The following NAV3 variants were observed in gnomAD, a reference collection of about 807,000 sequenced individuals.
NAV3 encodes neuron navigator 3, also known as pore membrane and/or filament interacting like protein 1.
NAV3 carries 87 observed loss-of-function variants against 244.7 expected under a neutral mutation model. The ratio of observed to expected loss-of-function variants is 0.36; its 90% CI spans 0.30 to 0.42. The LOEUF (loss-of-function observed/expected upper bound fraction) is 0.42, where lower values mean the gene tolerates loss of function less well. NAV3 is among the 20% of genes least tolerant of loss of function. The probability of loss-of-function intolerance (pLI) is 1.00; values close to 1 mark genes in which losing one functional copy is unlikely to be tolerated. For synonymous variants in NAV3, 1,126 were observed against 1,042.2 expected (o/e 1.08, Z -1.55); for missense variants, 2,663 against 2,893.3 (o/e 0.92, Z 1.83).
chr12:77,737,925 CATTTT>C (rs1877403710), intron 2 of NAV3, among the ~76,000 whole-genome samples: 1 of 152,096 alleles, frequency 6.6e-6, no homozygotes, highest in Non-Finnish European at 1.5e-5. Flanking sequence ...ACAAATTTAC[CATTTT>C]TCAATCATGC....
At chr12:78,024,433 C>A (rs1294596972) in intron 9 of NAV3, among the ~76,000 whole-genome samples, 1 of 152,148 alleles carries the variant, frequency 6.6e-6, no homozygotes, top group African/African-American at 2.4e-5. Flanking sequence ...AAATGTCCGA[C>A]ATCACCAGTC....
chr12:77,576,880 T>C (rs1364452352), intron 2 of NAV3, among the ~76,000 whole-genome samples: 1 of 152,052 alleles, frequency 6.6e-6, no homozygotes. Flanking sequence ...CCTTTTTTAA[T>C]GTATATTACA....
intron 2 of NAV3, among the ~76,000 whole-genome samples, chr12:77,705,158 C>T (rs565591522): frequency 1.3e-5 from 2 of 152,306 alleles, no homozygotes; most frequent in African/African-American, 4.8e-5. Context: ...GTGGCTCATG[C>T]CTGTAATCCC....
intron 2 of NAV3, among the ~76,000 whole-genome samples, chr12:77,644,959 G>A (rs555389359): frequency 5.3e-5 from 8 of 152,018 alleles, no homozygotes; most frequent in Admixed American, 3.3e-4. Context: ...GATTAAGTTC[G>A]TTATGGCTTT....
intron 10 of NAV3, 118 bp downstream of exon 10, chr12:78,050,219 C>A: frequency 1.4e-6 from 1 of 732,282 alleles, no homozygotes; most frequent in South Asian, 1.7e-5. Context: ...TATTTTCTCC[C>A]TTGTTTTATA....
At chr12:78,020,433 T>A (rs1876956319) in intron 8 of NAV3, among the ~76,000 whole-genome samples, 1 of 152,332 alleles carries the variant, frequency 6.6e-6, no homozygotes, top group African/African-American at 2.4e-5. Flanking sequence ...TTTATGCTCT[T>A]TATATTCAGT....
intron 1 of NAV3, among the ~76,000 whole-genome samples, chr12:77,925,798 A>G (rs1337384622): frequency 6.6e-6 from 1 of 152,160 alleles, no homozygotes; most frequent in Non-Finnish European, 1.5e-5. Flanking sequence ...GTGGAATACA[A>G]AATGAAACCA....
intron 39 of NAV3, among the ~76,000 whole-genome samples, chr12:78,206,026 A>T (rs1399133065): frequency 2.0e-5 from 3 of 152,164 alleles, no homozygotes; most frequent in African/African-American, 7.2e-5. Context: ...CACACACATC[A>T]TCATCATCAT....
intron 2 of NAV3, among the ~76,000 whole-genome samples, chr12:77,691,529 T>C (rs567212364): frequency 6.6e-6 from 1 of 151,140 alleles, no homozygotes; most frequent in Admixed American, 6.6e-5. Flanking sequence ...TTCAATATTA[T>C]GCTTTATTTC....
At position 78,061,492 on chromosome 12, in the gene NAV3, A is replaced by T. The variant is rs561676559; in HGVS notation, c.2636+2377A>T. On this transcript the variant is annotated intron_variant, in intron 12 of 39. Transcript: ENST00000397909. ...TATATAAGTCATTTTTAAAAGAATA[A>T]TTTTAACTTGAGCTGCTTGCATAAA... Among the ~76,000 whole-genome samples the T allele has an allele frequency of 4.6e-5, 7 of 152,274 alleles. No homozygotes were observed. The South Asian group carries it at 1.4e-3, about 32-fold the overall frequency.
chr12:78,166,538 G>C (rs551386281), intron 23 of NAV3, among the ~76,000 whole-genome samples: 10 of 151,684 alleles, frequency 6.6e-5, no homozygotes, highest in Non-Finnish European at 8.9e-5. Context: ...ATTCTCCCAA[G>C]TTATATAGCA....
At chr12:77,813,339 C>G (rs952123910) in intron 2 of NAV3, among the ~76,000 whole-genome samples, 1 of 152,138 alleles carries the variant, frequency 6.6e-6, no homozygotes. Flanking sequence ...AACTATATAT[C>G]AGGGTTCTCT....
At chr12:77,829,517 C>T (rs1416017484), upstream of NAV3, among the ~76,000 whole-genome samples, 4 of 152,124 alleles carry the variant, frequency 2.6e-5, no homozygotes, top group Non-Finnish European at 5.9e-5. Context: ...CCTCATTTTA[C>T]GAACATGAAC....
chr12:77,953,353 T>A (rs1469553789), intron 3 of NAV3, among the ~76,000 whole-genome samples: 1 of 152,152 alleles, frequency 6.6e-6, no homozygotes, highest in Admixed American at 6.6e-5. Context: ...TGTTTACATA[T>A]AAATAATTGA....
At chr12:77,922,072 A>G (rs563914243) in intron 1 of NAV3, among the ~76,000 whole-genome samples, 8 of 152,290 alleles carry the variant, frequency 5.3e-5, no homozygotes, top group Admixed American at 2.6e-4. Context: ...CTTTGTGTCA[A>G]TGAACTTGAA....
intron 2 of NAV3, among the ~76,000 whole-genome samples, chr12:77,779,340 T>C (rs1470519985): frequency 2.0e-5 from 3 of 152,192 alleles, no homozygotes; most frequent in African/African-American, 7.2e-5. Context: ...AATGGACTTA[T>C]TCCAAAACCG....
Position 78,188,249 on chromosome 12 carries a change from A to G in NAV3, c.5792A>G (p.Asp1931Gly), listed in dbSNP as rs1392792221. The G allele has an allele frequency of 6.2e-7, 1 of 1,607,660 alleles. No homozygotes were observed. The highest frequency in any genetic ancestry group is 1.3e-5 in the African/African-American group (1 of 74,670). ...TTACTTTATTTTGTTCTTATTTAGG[A>G]CCAAAAATCTCAGGCATATTTGATA... ...SISKGYGRAK[D>G]QKSQAYLIGS... The change falls in exon 32 of 40, where the codon GAC becomes GGC. Residue 1931 changes from aspartate (D) to glycine (G), a missense_variant and splice_region_variant. Around this residue, in one of 6 missense-constraint regions of NAV3, gnomAD observed 543 missense variants for 672.4 expected, o/e 0.81. Transcript: ENST00000397909.
chr12:77,968,762 TA>T (rs1449577064), intron 5 of NAV3, 60 bp downstream of exon 5: 4 of 1,506,148 alleles, frequency 2.7e-6, no homozygotes, highest in Non-Finnish European at 9.1e-7. Context: ...AACTTGTTTT[TA>T]ACAAATTATT....
intron 22 of NAV3, among the ~76,000 whole-genome samples, chr12:78,156,142 G>C (rs1957295868): frequency 6.6e-6 from 1 of 152,042 alleles, no homozygotes; most frequent in Admixed American, 6.6e-5. Context: ...TTACTTGTAA[G>C]TCTTTAATCC....
Sources: allele counts gnomAD v4.1 joint callset (sites outside exome capture counted in the v4.1 genomes callset), GRCh38; gene constraint gnomAD v4.1.1; regional missense constraint gnomAD v4.1.1; transcripts MANE v1.5; gene names NCBI Gene and HGNC (gene_info 2026-07-23, HGNC 2026-07-21).